Variants in AKR1D1 observed in about 807,000 individuals in gnomAD.
AKR1D1 encodes the protein delta(4)-3-ketosteroid 5-beta-reductase.
Under a neutral mutation model 42.6 loss-of-function variants are expected in AKR1D1, and 32 were observed. That is an observed-to-expected ratio of 0.75 (90% CI 0.57 to 1.01). The LOEUF (loss-of-function observed/expected upper bound fraction) is 1.01. AKR1D1 is among the 50% of genes least tolerant of loss of function. AKR1D1 has a pLI of 0.00. For synonymous variants in AKR1D1, 123 were observed against 135.5 expected (o/e 0.91, Z 0.64); for missense variants, 364 against 402.2 (o/e 0.91, Z 0.81).
At chr7:138,080,300 ACTC>A (rs1803026344) in intron 1 of AKR1D1, among the ~76,000 whole-genome samples, 1 of 151,782 alleles carries the variant, frequency 6.6e-6, no homozygotes, top group African/African-American at 2.4e-5. Flanking sequence ...AAACTCCTGA[ACTC>A]AAGCAACTCT....
chr7:138,105,676 C>T (rs769737766), intron 5 of AKR1D1, among the ~76,000 whole-genome samples: 2 of 152,092 alleles, frequency 1.3e-5, no homozygotes, highest in Admixed American at 6.5e-5. Flanking sequence ...ATCACGAGGT[C>T]GGGAGTTTGA....
intron 1 of AKR1D1, among the ~76,000 whole-genome samples, chr7:138,079,650 A>G (rs1803012220): frequency 6.6e-6 from 1 of 152,224 alleles, no homozygotes; most frequent in East Asian, 1.9e-4. Context: ...CAGATTTTGG[A>G]TGACATCTGG....
rs114135471 is a variant in AKR1D1, at chr7:138,106,597, C to T, written c.580-11C>T. 7.8e-4 allele frequency: 1,252 copies of T among 1,610,376 alleles called. 4 individuals are homozygous for T. In the African/African-American group the frequency reaches 0.015, roughly 19 times the overall value. On this transcript the variant is annotated splice_polypyrimidine_tract_variant and intron_variant, in intron 5 of 8. Coordinates refer to ENST00000242375, the MANE Select transcript of AKR1D1 (RefSeq NM_005989.4). ...TGATTTTGTGCTCTGCTCTCCAATG[C>T]AACCACATAGGTTGAGTGCCATCCG...
intron 2 of AKR1D1, among the ~76,000 whole-genome samples, chr7:138,090,766 C>T (rs558825046): frequency 9.2e-5 from 14 of 152,200 alleles, no homozygotes; most frequent in African/African-American, 3.1e-4. Flanking sequence ...ACCTTGGCAC[C>T]GTATGTCTCA....
chr7:138,096,767 C>A (rs745825213), intron 3 of AKR1D1, among the ~76,000 whole-genome samples: 36 of 142,508 alleles, frequency 2.5e-4, no homozygotes, highest in Non-Finnish European at 4.0e-4. Context: ...TTGGCAGCTT[C>A]TTCTCTGCCA....
At chr7:138,110,849 T>C (rs909683867) in intron 7 of AKR1D1, among the ~76,000 whole-genome samples, 2 of 152,154 alleles carry the variant, frequency 1.3e-5, no homozygotes, top group Non-Finnish European at 2.9e-5. Flanking sequence ...TTTTAAAAGT[T>C]AAAATTTTAA....
chr7:138,115,919 G>T (rs2035736), intron 8 of AKR1D1, among the ~76,000 whole-genome samples: 85,729 of 151,944 alleles, frequency 0.56, 24,978 homozygotes, highest in Middle Eastern at 0.64. Context: ...GAGGTCTAGT[G>T]AGAGGGGCAA....
rs765323688 is a variant in AKR1D1 at position 138,110,972 on chromosome 7, C to G, written c.856-2718C>G. On this transcript the variant is annotated intron_variant, in intron 7 of 8. Coordinates refer to ENST00000242375, the MANE Select transcript of AKR1D1 (RefSeq NM_005989.4). ...TTTCACTTTCTCCAACACTCTTCCTCTCATAATTCTTAGTGAATTCAACAT... is the reference window on the plus strand; with the variant it reads ...TTTCACTTTCTCCAACACTCTTCCTGTCATAATTCTTAGTGAATTCAACAT... Among the ~76,000 whole-genome samples the G allele has an allele frequency of 5.3e-4, 81 of 152,266 alleles. No homozygotes were observed. In the Middle Eastern group the frequency reaches 0.01, roughly 19 times the overall value.
At chr7:138,108,678 T>C (rs1165544183) in intron 7 of AKR1D1, among the ~76,000 whole-genome samples, 1 of 152,100 alleles carries the variant, frequency 6.6e-6, no homozygotes, top group Non-Finnish European at 1.5e-5. Context: ...TGAGGAGATG[T>C]TGGTCAAAAA....
At chr7:138,082,499 C>G (rs924939292) in intron 1 of AKR1D1, among the ~76,000 whole-genome samples, 1 of 152,022 alleles carries the variant, frequency 6.6e-6, no homozygotes, top group Non-Finnish European at 1.5e-5. Flanking sequence ...TCTCGAGTAG[C>G]CAGGACTACA....
chr7:138,099,610 A>T (rs992926041), intron 4 of AKR1D1, among the ~76,000 whole-genome samples: 1 of 152,100 alleles, frequency 6.6e-6, no homozygotes, highest in Non-Finnish European at 1.5e-5. Flanking sequence ...AGAATTTTTT[A>T]AAATATGAAA....
intron 8 of AKR1D1, among the ~76,000 whole-genome samples, chr7:138,116,021 A>G (rs1794626263): frequency 6.6e-6 from 1 of 152,092 alleles, no homozygotes; most frequent in Admixed American, 6.6e-5. Context: ...TCAGCCCAGG[A>G]GTTCAGCTTG....
intron 7 of AKR1D1, among the ~76,000 whole-genome samples, chr7:138,108,106 A>G (rs374601264): frequency 6.6e-6 from 1 of 152,352 alleles, no homozygotes; most frequent in African/African-American, 2.4e-5. Context: ...TGGCTCTGGT[A>G]AAAGTTGAGG....
chr7:138,107,311 G>C, intron 6 of AKR1D1, 104 bp from the exon 7 acceptor site: 1 of 1,220,104 alleles, frequency 8.2e-7, no homozygotes, highest in Non-Finnish European at 1.2e-6. Flanking sequence ...GCAGTGTCCT[G>C]GTAGGTGACT....
At chr7:138,114,610 A>G (rs917132845) in intron 8 of AKR1D1, among the ~76,000 whole-genome samples, 2 of 148,812 alleles carry the variant, frequency 1.3e-5, no homozygotes, top group African/African-American at 5.0e-5. Flanking sequence ...CAGTGAGCCG[A>G]GATCATGCCA....
intron 3 of AKR1D1, among the ~76,000 whole-genome samples, chr7:138,096,300 T>C (rs567819964): frequency 6.6e-6 from 1 of 151,846 alleles, no homozygotes; most frequent in South Asian, 2.1e-4. Context: ...CACTGGGTAA[T>C]AGATAATAAA....
intron 1 of AKR1D1, among the ~76,000 whole-genome samples, chr7:138,084,260 T>A (rs1803119061): frequency 6.6e-6 from 1 of 150,500 alleles, no homozygotes; most frequent in Admixed American, 6.6e-5. Flanking sequence ...ATCTAGCTTT[T>A]TTTTTTTTTT....
chr7:138,100,705 T>A (rs1398852785), intron 4 of AKR1D1, among the ~76,000 whole-genome samples: 1 of 136,910 alleles, frequency 7.3e-6, no homozygotes, highest in Non-Finnish European at 1.6e-5. Flanking sequence ...GATTCTTTTT[T>A]TTTTTTTTTT....
chr7:138,076,459 A>G lies in AKR1D1; in HGVS notation c.-60A>G, dbSNP rs1802939261. 1.4e-6 allele frequency: 2 copies of G among 1,388,300 alleles called. No individual in the cohort carries two copies. The highest frequency in any genetic ancestry group is 2.8e-5 in the African/African-American group (2 of 70,176). 86.0% of individuals were successfully genotyped at this position (1,388,300 alleles called of 1,614,324 possible). On this transcript the variant is annotated 5_prime_UTR_variant, in exon 1 of 9. Coordinates refer to ENST00000242375, the MANE Select transcript of AKR1D1 (RefSeq NM_005989.4). Reference sequence around the variant, plus strand: ...TCTTTGATGGAATAGGCCCTAGGACACCTTTCTAAAAAGACTCCCTGTGGT... The same window carrying G: ...TCTTTGATGGAATAGGCCCTAGGACGCCTTTCTAAAAAGACTCCCTGTGGT...
Sources: gnomAD v4.1 joint callset for allele counts (sites outside exome capture counted in the v4.1 genomes callset) on GRCh38, gnomAD v4.1.1 for gene constraint, MANE v1.5 for transcripts, NCBI Gene and HGNC (gene_info 2026-07-23, HGNC 2026-07-21) for gene names.